The following STMN4 variants were observed in gnomAD, a reference collection of about 807,000 sequenced individuals.
STMN4 encodes stathmin-4.
Under a neutral mutation model 29.1 loss-of-function variants are expected in STMN4, and 12 were observed. The ratio of observed to expected loss-of-function variants is 0.41; its 90% CI spans 0.26 to 0.67. The LOEUF (loss-of-function observed/expected upper bound fraction) is 0.67, where lower values mean the gene tolerates loss of function less well. Among genes scored for constraint, STMN4 ranks in the 30% least tolerant of loss-of-function variants. The pLI, the probability that STMN4 is intolerant of heterozygous loss-of-function variation, is 0.30. For synonymous variants in STMN4, 114 were observed against 105.3 expected, an observed-to-expected ratio of 1.08 and a Z score of -0.51; for missense variants, 181 against 262.8, an observed-to-expected ratio of 0.69 and a Z score of 2.15.
At position 27,242,482 on chromosome 8, in the gene STMN4, C is replaced by G. The variant is rs1256829258; in HGVS notation, c.24G>C (p.Glu8Asp). 6.2e-7 allele frequency: 1 copy of G among 1,614,064 alleles called. No homozygotes were observed. The highest frequency in any genetic ancestry group is 8.5e-7 in the Non-Finnish European group (1 of 1,180,020). The change falls in exon 3 of 7, where the codon GAG (glutamate) becomes GAC (aspartate). Residue 8 changes from glutamate to aspartate, a missense_variant. By Grantham distance (45) the Glu-to-Asp change is conservative. Coordinates refer to ENST00000350889, the MANE Select transcript of STMN4 (RefSeq NM_030795.4). MTLAAYK[E>D]KMKELPLVSL... ...ACACCAGCGGGAGCTCCTTCATCTT[C>G]TCTTTGTAGGCTGCGGAAACACCCA... is the stretch of plus-strand genomic sequence containing the variant.
chr8:27,245,865 G>A (rs1801610042), intron 1 of STMN4, among the ~76,000 whole-genome samples: 1 of 152,194 alleles, frequency 6.6e-6, no homozygotes, highest in African/African-American at 2.4e-5. Context: ...TGTGCTCAGG[G>A]GGCACTCGAC....
At chr8:27,241,007 TC>T (rs1363618174) in intron 5 of STMN4, 46 bp downstream of exon 5, 2 of 1,565,556 alleles carry the variant, frequency 1.3e-6, no homozygotes, top group Non-Finnish European at 1.7e-6. Flanking sequence ...TCCACCTCCC[TC>T]CCCTTTATGC....
intron 1 of STMN4, among the ~76,000 whole-genome samples, chr8:27,248,712 A>C (rs1361771790): frequency 6.6e-6 from 1 of 152,226 alleles, no homozygotes; most frequent in Non-Finnish European, 1.5e-5. Flanking sequence ...AGTAAGTTAT[A>C]CCGTCGTCAC....
intron 1 of STMN4, among the ~76,000 whole-genome samples, chr8:27,251,802 T>G (rs1432756439): frequency 2.4e-4 from 4 of 16,750 alleles, no homozygotes; most frequent in African/African-American, 2.5e-4. Context: ...TGCCATCTTT[T>G]TTTTTCTTTT....
rs546178126 is a variant in STMN4 at position 27,236,044 on chromosome 8, T to G, written c.*802A>C. Reference sequence around the variant, plus strand: ...TCATTGAAAGGAAGATTGAGTTTCTTTTCTCATCAATTTAGTGCATGCTAT... The same window carrying G: ...TCATTGAAAGGAAGATTGAGTTTCTGTTCTCATCAATTTAGTGCATGCTAT... On this transcript the variant is annotated 3_prime_UTR_variant, in exon 7 of 7. Coordinates refer to ENST00000350889, the MANE Select transcript of STMN4 (RefSeq NM_030795.4). The G allele has an allele frequency of 2.6e-5, 4 of 152,316 alleles. No homozygotes were observed. In the East Asian group the frequency reaches 7.7e-4, roughly 29 times the overall value. 9.4% of individuals were successfully genotyped at this position (152,316 alleles called of 1,614,324 possible).
chr8:27,240,147 G>C lies in STMN4; in HGVS notation c.415C>G (p.Leu139Val). 1.9e-6 allele frequency: 3 copies of C among 1,613,824 alleles called. No homozygotes were observed. Among genetic ancestry groups the C allele is most frequent in the Non-Finnish European group, 2.5e-6 (3 of 1,179,898 alleles). ...CGTTTCTCTGCTAGGTGTTTCAGGA[G>C]CTCCGCTTCCTGGTACTGGGGAAGC... ...EERRKYQEAE[L>V]LKHLAEKREH... is the part of the protein sequence containing the mutation. Residue 139 changes from leucine (L) to valine (V), a missense_variant, in exon 6 of 7, where the codon CTC (leucine) becomes GTC (valine). Coordinates refer to ENST00000350889, the MANE Select transcript of STMN4 (RefSeq NM_030795.4).
chr8:27,247,112 C>T (rs1055771283), intron 1 of STMN4, among the ~76,000 whole-genome samples: 2 of 151,874 alleles, frequency 1.3e-5, no homozygotes, highest in African/African-American at 4.8e-5. Flanking sequence ...AAAATTAGCC[C>T]GGCATGGTGG....
chr8:27,243,683 C>T (rs1801542455), intron 2 of STMN4, 28 bp downstream of exon 2: 5 of 1,610,454 alleles, frequency 3.1e-6, no homozygotes, highest in Non-Finnish European at 4.2e-6. Context: ...ATAGCCTACG[C>T]CCCTTAACAC....
chr8:27,237,721 G>A (rs1291910231), intron 6 of STMN4, among the ~76,000 whole-genome samples: 1 of 152,184 alleles, frequency 6.6e-6, no homozygotes, highest in Admixed American at 6.5e-5. Context: ...GAGGATCTTG[G>A]CTGGCTCACT....
intron 6 of STMN4, among the ~76,000 whole-genome samples, chr8:27,237,309 C>T (rs1801338660): frequency 6.6e-6 from 1 of 152,224 alleles, no homozygotes; most frequent in Admixed American, 6.5e-5. Flanking sequence ...TACAAGCATC[C>T]CCTACAAATC....
intron 3 of STMN4, 25 bp downstream of exon 3, chr8:27,242,372 C>G: frequency 6.2e-6 from 10 of 1,613,698 alleles, no homozygotes; most frequent in Non-Finnish European, 7.6e-6. Context: ...CCGCCCCTCA[C>G]TTTCCTGGCT....
chr8:27,243,451 T>G (rs1801533870), intron 2 of STMN4, among the ~76,000 whole-genome samples: 1 of 151,928 alleles, frequency 6.6e-6, no homozygotes, highest in Non-Finnish European at 1.5e-5. Context: ...AAAACACACA[T>G]ATACAGATGA....
At position 27,249,458 on chromosome 8, in the gene STMN4, G is replaced by A. The variant is rs185927817; in HGVS notation, c.-78-5657C>T. Among the ~76,000 whole-genome samples, 11 of 152,274 alleles carry A rather than the reference G, an allele frequency of 7.2e-5. No individual in the cohort carries two copies. In the East Asian group the frequency reaches 1.2e-3, roughly 16 times the overall value. On this transcript the variant is annotated intron_variant, in intron 1 of 6. Coordinates refer to ENST00000350889, the MANE Select transcript of STMN4 (RefSeq NM_030795.4). The stretch of plus-strand genomic sequence containing the variant: ...TGCATTGTATACATCAGTCCCACAC[G>A]ATAAACAACTGTCCCTTCCAAAATG...
chr8:27,241,812 G>GACCAA, intron 3 of STMN4, 55 bp from the exon 4 acceptor site: 1 of 1,602,620 alleles, frequency 6.2e-7, no homozygotes, highest in East Asian at 2.2e-5. Context: ...CTTGGTGCCA[G>GACCAA]ACCAAACCAA....
At chr8:27,243,067 A>T (rs1801521987) in intron 2 of STMN4, among the ~76,000 whole-genome samples, 1 of 152,140 alleles carries the variant, frequency 6.6e-6, no homozygotes, top group Non-Finnish European at 1.5e-5. Context: ...AAGCTGGAGC[A>T]TATCCCCGCC....
intron 1 of STMN4, among the ~76,000 whole-genome samples, chr8:27,244,198 C>T (rs767590802): frequency 6.6e-6 from 1 of 152,178 alleles, no homozygotes. Flanking sequence ...CATAAAATAA[C>T]TGTGTGTCCT....
In STMN4 at chr8:27,256,842, TGGG is replaced by T. The variant is rs56801472; in HGVS notation, c.-79+1506_-79+1508del. On this transcript the variant is annotated intron_variant, in intron 1 of 6. Transcript: ENST00000350889. ...AAAATCTCCTCTAAAGCCTCCCTGC[TGGG>T]TGGCCATCCAACTTCTGCTTGAATG... Among the ~76,000 whole-genome samples, 153 of 152,254 alleles carry T rather than the reference TGGG, an allele frequency of 1.0e-3. 4 individuals are homozygous for T. The East Asian group carries it at 0.028, about 27-fold the overall frequency.
In STMN4 at chr8:27,253,589, C is replaced by T. The variant is rs943738864; in HGVS notation, c.-79+4762G>A. Among the ~76,000 whole-genome samples the T allele has an allele frequency of 4.6e-5, 7 of 152,212 alleles. No individual in the cohort carries two copies. The East Asian group carries it at 1.3e-3, about 29-fold the overall frequency. ...AGTGATGATCTTACAAACACATCCC[C>T]TAGCCTCAAGATGTTTGACATTTGC... On this transcript the variant is annotated intron_variant, in intron 1 of 6. Transcript: ENST00000350889.
chr8:27,252,626 C>A (rs2130154966), intron 1 of STMN4, among the ~76,000 whole-genome samples: 1 of 152,262 alleles, frequency 6.6e-6, no homozygotes, highest in East Asian at 1.9e-4. Flanking sequence ...TTCTGCACAC[C>A]AAATCTTATA....
Sources: allele counts gnomAD v4.1 joint callset (sites outside exome capture counted in the v4.1 genomes callset), GRCh38; gene constraint gnomAD v4.1.1; transcripts MANE v1.5; gene names NCBI Gene and HGNC (gene_info 2026-07-23, HGNC 2026-07-21).